Variants in THAP4 observed in about 807,000 individuals in gnomAD.
THAP4 encodes the protein THAP domain containing 4, also known as peroxynitrite isomerase THAP4.
A neutral mutation model predicts 48.1 loss-of-function variants in THAP4; 18 were observed. The ratio of observed to expected loss-of-function variants is 0.37; its 90% CI spans 0.26 to 0.56. THAP4 has a LOEUF of 0.56. Among genes scored for constraint, THAP4 ranks in the 20% least tolerant of loss-of-function variants. THAP4 has a pLI of 0.78. For missense variants in THAP4, 656 were observed against 774.9 expected, an observed-to-expected ratio of 0.85 and a Z score of 1.82; for synonymous variants, 345 against 324.9, an observed-to-expected ratio of 1.06 and a Z score of -0.66.
chr2:241,631,280 A>G (rs1303257747), intron 2 of THAP4, among the ~76,000 whole-genome samples: 3 of 152,182 alleles, frequency 2.0e-5, no homozygotes, highest in Admixed American at 1.3e-4. Context: ...CCACTATCAT[A>G]TACTTATTGA....
At chr2:241,600,660 A>G (rs2067100956) in intron 5 of THAP4, among the ~76,000 whole-genome samples, 2 of 150,588 alleles carry the variant, frequency 1.3e-5, no homozygotes, top group Admixed American at 6.6e-5. Context: ...CCCAGGAGGC[A>G]GAACATGCAG....
At position 241,633,274 on chromosome 2, in the gene THAP4, T is replaced by C; in HGVS notation, c.883A>G (p.Lys295Glu). The C allele has an allele frequency of 6.2e-7, 1 of 1,611,736 alleles. No homozygotes were observed. The highest frequency in any genetic ancestry group is 8.5e-7 in the Non-Finnish European group (1 of 1,179,912). The change falls in exon 2 of 6, where the codon AAG becomes GAG. Residue 295 changes from lysine (K) to glutamate (E), a missense_variant. Physicochemically the swap from Lys to Glu is moderately conservative, Grantham distance 56. Around this residue, in one of 4 missense-constraint regions of THAP4, gnomAD observed 391 missense variants for 412.4 expected, o/e 0.95. Transcript: ENST00000407315. The surrounding 1 kb of genome is among the most constrained non-coding windows in gnomAD (Gnocchi z 7.5). The part of the protein sequence containing the change: ...PSSSLTATPQ[K>E]PSQSPSAPPA... ...GGGGCAGAGGGGCTCTGGGAAGGCT[T>C]CTGCGGTGTCGCGGTAAGTGATGAG... is the stretch of plus-strand genomic sequence containing the variant.
intron 1 of THAP4, among the ~76,000 whole-genome samples, chr2:241,634,493 G>A (rs1162875242): frequency 6.6e-6 from 1 of 152,122 alleles, no homozygotes; most frequent in East Asian, 1.9e-4. Context: ...CCAAAACCAG[G>A]GCCAGCATCC....
chr2:241,634,159 G>A (rs993905641), intron 1 of THAP4, 80 bp from the exon 2 acceptor site: 4 of 1,160,560 alleles, frequency 3.4e-6, no homozygotes, highest in East Asian at 5.0e-5. Context: ...AGCAAAACAA[G>A]TATTTTTGCA....
At chr2:241,636,559 C>T (rs1436869414) in intron 1 of THAP4, among the ~76,000 whole-genome samples, 1 of 152,348 alleles carries the variant, frequency 6.6e-6, no homozygotes, top group East Asian at 1.9e-4. Flanking sequence ...GCGCAGGTCG[C>T]GTCTGCCCGG....
At chr2:241,590,903 C>T (rs1269037373) in intron 5 of THAP4, among the ~76,000 whole-genome samples, 12 of 142,158 alleles carry the variant, frequency 8.4e-5, no homozygotes, top group African/African-American at 3.1e-4. Context: ...CACTAGGACA[C>T]ACAGAACTGC....
intron 2 of THAP4, among the ~76,000 whole-genome samples, chr2:241,611,724 CAAAAA>C (rs556777493): frequency 5.1e-5 from 5 of 97,696 alleles, no homozygotes; most frequent in Non-Finnish European, 4.3e-5. Context: ...ACTCTGTCTC[CAAAAA>C]AAAAAAAAAA....
intron 3 of THAP4, among the ~76,000 whole-genome samples, chr2:241,605,065 T>C (rs374802541): frequency 1.2e-4 from 18 of 152,278 alleles, no homozygotes; most frequent in African/African-American, 4.1e-4. Context: ...TCTGACCTTT[T>C]CGTGGGTTAT....
upstream of THAP4, chr2:241,637,383 G>C: frequency 7.1e-7 from 1 of 1,408,924 alleles, no homozygotes; most frequent in Non-Finnish European, 9.3e-7. Context: ...TGCTCGGACG[G>C]GGACAGAGCT....
At chr2:241,615,852 C>T (rs1003485677) in intron 2 of THAP4, among the ~76,000 whole-genome samples, 1 of 152,220 alleles carries the variant, frequency 6.6e-6, no homozygotes, top group Non-Finnish European at 1.5e-5. Flanking sequence ...GTTCCCGACA[C>T]ATCAGGAGAG....
chr2:241,613,162 G>C (rs2067299020), intron 2 of THAP4, among the ~76,000 whole-genome samples: 1 of 151,932 alleles, frequency 6.6e-6, no homozygotes, highest in African/African-American at 2.4e-5. Flanking sequence ...CACCCAAGGA[G>C]CTTTGTTTCT....
At chr2:241,620,113 GAGGGGTA>G (rs1479459106) in intron 2 of THAP4, among the ~76,000 whole-genome samples, 2 of 104,812 alleles carry the variant, frequency 1.9e-5, no homozygotes, top group Admixed American at 9.1e-5. Context: ...AGTGAGGGGT[GAGGGGTA>G]AGTGAGTCGG....
At position 241,584,709 on chromosome 2, in the gene THAP4, C is replaced by T. The variant is rs1414909717; in HGVS notation, c.1631G>A (p.Arg544Lys). 1 of 1,614,232 alleles carries T rather than the reference C, an allele frequency of 6.2e-7. No individual in the cohort carries two copies. Among genetic ancestry groups the T allele is most frequent in the African/African-American group, 1.3e-5 (1 of 75,066 alleles). ...PHVEQITRKF[R>K]LNSEGKLEQT... is the part of the protein sequence containing the mutation. ...CTCAAGTTTGCCTTCAGAATTCAGC[C>T]TGAACTTCCGGGTGATCTGAGCAGG... Residue 544 changes from arginine (R) to lysine (K), a missense_variant, in exon 6 of 6, where the codon AGG becomes AAG. Coordinates refer to ENST00000407315, the MANE Select transcript of THAP4 (RefSeq NM_015963.6).
In THAP4 at chr2:241,584,516, C is replaced by T. The variant is rs2066867361; in HGVS notation, c.*90G>A. 4 of 1,451,596 alleles carry T rather than the reference C, an allele frequency of 2.8e-6. No homozygotes were observed. Among genetic ancestry groups the T allele is most frequent in the East Asian group, 2.3e-5 (1 of 43,856 alleles). The allele number at this position is 1,451,596 out of a possible 1,614,324, so 89.9% of individuals were successfully genotyped here. A position where few individuals can be genotyped will look rare whatever the true frequency, so the allele number is the denominator to read the frequency against. ...GAGCCTGCAGAGGCTCACGGCCACA[C>T]CCACTTCTGCCGCAGGGACTGTCTG... On this transcript the variant is annotated 3_prime_UTR_variant, in exon 6 of 6. Transcript: ENST00000407315.
At chr2:241,606,260 G>C (rs2125079677) in intron 3 of THAP4, 54 bp downstream of exon 3, 1 of 1,457,970 alleles carries the variant, frequency 6.9e-7, no homozygotes, top group East Asian at 2.5e-5. Flanking sequence ...ATTATTTTCA[G>C]AGACCTAGGC....
In THAP4 at chr2:241,636,949, G is replaced by A. The variant is rs1324819777; in HGVS notation, c.69C>T (p.Ser23=). The change falls in exon 1 of 6, where the codon TCC becomes TCT. Residue 23 remains serine, a synonymous_variant. Coordinates refer to ENST00000407315, the MANE Select transcript of THAP4 (RefSeq NM_015963.6). Reference sequence around the variant, plus strand: ...GCCCGGGGCCCGCGTACCTGTGGAAGGAGACGGCGCGCTTCTCGCCCTTTC... The same window carrying A: ...GCCCGGGGCCCGCGTACCTGTGGAAAGAGACGGCGCGCTTCTCGCCCTTTC... ...RQGKGEKRAV[S]FHRFPLKDSK... The A allele has an allele frequency of 5.4e-6, 7 of 1,297,530 alleles. No individual in the cohort carries two copies. Among genetic ancestry groups the A allele is most frequent in the African/African-American group, 1.6e-5 (1 of 63,758 alleles). 80.4% of individuals were successfully genotyped at this position (1,297,530 alleles called of 1,614,324 possible). A position where few individuals can be genotyped will look rare whatever the true frequency, so the allele number is the denominator to read the frequency against.
chr2:241,606,240 T>A (rs569242162), intron 3 of THAP4, 74 bp downstream of exon 3: 74 of 1,363,200 alleles, frequency 5.4e-5, no homozygotes, highest in Non-Finnish European at 6.3e-5. Flanking sequence ...TTGTCTTTGA[T>A]CAGTCTGGAA....
At chr2:241,598,539 TG>T (rs1158095405) in intron 5 of THAP4, among the ~76,000 whole-genome samples, 1 of 151,304 alleles carries the variant, frequency 6.6e-6, no homozygotes, top group East Asian at 1.9e-4. Flanking sequence ...GCTGTGGGGG[TG>T]GGGGTGGTTT....
At chr2:241,625,514 G>A (rs1255111809) in intron 2 of THAP4, among the ~76,000 whole-genome samples, 39 of 143,146 alleles carry the variant, frequency 2.7e-4, no homozygotes, top group African/African-American at 9.3e-4. Flanking sequence ...AAAGGAAAAA[G>A]AGTCCAGGTG....
Sources: gnomAD v4.1 joint callset for allele counts (sites outside exome capture counted in the v4.1 genomes callset) on GRCh38, gnomAD v4.1.1 for gene constraint, gnomAD v4.1.1 regional missense constraint, Gnocchi (gnomAD v3.1) non-coding constraint, MANE v1.5 for transcripts, NCBI Gene and HGNC (gene_info 2026-07-23, HGNC 2026-07-21) for gene names.